Variants in SCN3A observed in about 807,000 individuals in gnomAD.
SCN3A encodes the protein sodium voltage-gated channel alpha subunit 3, also known as sodium channel protein type 3 subunit alpha.
A neutral mutation model predicts 187.6 loss-of-function variants in SCN3A; 60 were observed. The ratio of observed to expected loss-of-function variants is 0.32; its 90% CI spans 0.26 to 0.40. The LOEUF is 0.40. Among genes scored for constraint, SCN3A ranks in the 10% least tolerant of loss-of-function variants. The pLI is 1.00. For synonymous variants in SCN3A, 788 were observed against 829.2 expected, an observed-to-expected ratio of 0.95 and a Z score of 0.85; for missense variants, 1,601 against 2,428.2, an observed-to-expected ratio of 0.66 and a Z score of 7.16.
intron 21 of SCN3A, among the ~76,000 whole-genome samples, chr2:165,108,684 A>T (rs941580706): frequency 1.3e-5 from 2 of 152,194 alleles, no homozygotes; most frequent in Non-Finnish European, 2.9e-5. Flanking sequence ...GTTTTAAATA[A>T]ATATTAATTA....
At chr2:165,134,286 T>G (rs1445969123) in intron 15 of SCN3A, among the ~76,000 whole-genome samples, 1 of 152,224 alleles carries the variant, frequency 6.6e-6, no homozygotes, top group African/African-American at 2.4e-5. Flanking sequence ...GAAATTACTC[T>G]TGCAGAAAAT....
intron 2 of SCN3A, among the ~76,000 whole-genome samples, chr2:165,178,137 TG>T (rs1690586717): frequency 6.6e-6 from 1 of 152,158 alleles, no homozygotes. Flanking sequence ...ATTATGTGTG[TG>T]GGGGTTTTTT....
chr2:165,199,596 A>G (rs918370473), intron 1 of SCN3A, among the ~76,000 whole-genome samples: 3 of 151,918 alleles, frequency 2.0e-5, no homozygotes, highest in African/African-American at 7.2e-5. Flanking sequence ...AGTAATAAAA[A>G]AAAAAAATAC....
chr2:165,191,882 T>G (rs905773099), intron 1 of SCN3A, among the ~76,000 whole-genome samples: 147 of 152,272 alleles, frequency 9.7e-4, no homozygotes, highest in Non-Finnish European at 1.8e-3. Context: ...GAATACTTTT[T>G]TAAATCAATG....
At position 165,090,611 on chromosome 2, in the gene SCN3A, G is replaced by A. The variant is rs1373217810; in HGVS notation, c.5542C>T (p.His1848Tyr). ...AAGGCAAATAAAATATCAAGACAGTGGATCCGGTCACCACTGACCATGGGC... is the reference window on the plus strand; with the variant it reads ...AAGGCAAATAAAATATCAAGACAGTAGATCCGGTCACCACTGACCATGGGC... ...DLPMVSGDRI[H>Y]CLDILFAFTK... The change falls in exon 28 of 28, where the codon CAC becomes TAC. Residue 1848 changes from histidine to tyrosine, a missense_variant. This residue lies in a region of SCN3A where 110 missense variants were observed against 175.9 expected (regional missense o/e 0.63). Coordinates refer to ENST00000283254, the MANE Select transcript of SCN3A (RefSeq NM_006922.4). This position sits in a 1 kb window ranked among gnomAD's most constrained non-coding sequence, Gnocchi z 4.0. 1.2e-6 allele frequency: 2 copies of A among 1,614,048 alleles called. No homozygotes were observed. The highest frequency in any genetic ancestry group is 8.5e-7 in the Non-Finnish European group (1 of 1,179,980).
intron 11 of SCN3A, among the ~76,000 whole-genome samples, chr2:165,149,237 A>G (rs968819121): frequency 2.7e-4 from 41 of 150,880 alleles, no homozygotes; most frequent in African/African-American, 8.8e-4. Context: ...GTGCAATGGC[A>G]TGATCTCGGC....
At chr2:165,141,121 T>C in intron 12 of SCN3A, 123 bp from the exon 13 acceptor site, 1 of 646,268 alleles carries the variant, frequency 1.5e-6, no homozygotes, top group Non-Finnish European at 2.6e-6. Flanking sequence ...CTCTTAAACA[T>C]GGATAATCAA....
intron 18 of SCN3A, among the ~76,000 whole-genome samples, chr2:165,127,105 G>T (rs540325278): frequency 6.6e-6 from 1 of 152,280 alleles, no homozygotes; most frequent in East Asian, 1.9e-4. Flanking sequence ...GTCACTCAGG[G>T]TTGAGTAGAA....
chr2:165,179,016 A>C (rs1259749239), intron 2 of SCN3A, among the ~76,000 whole-genome samples: 1 of 152,110 alleles, frequency 6.6e-6, no homozygotes, highest in African/African-American at 2.4e-5. Context: ...CATCTGTCTG[A>C]TATCACCTGC....
intron 1 of SCN3A, among the ~76,000 whole-genome samples, chr2:165,189,287 A>G (rs376706804): frequency 1.5e-3 from 225 of 152,316 alleles, no homozygotes; most frequent in African/African-American, 5.2e-3. Context: ...TGTGTACAAG[A>G]TGCAAAAAAG....
In SCN3A at chr2:165,090,968, CA is replaced by C; in HGVS notation, c.5184del (p.Asp1729ThrfsTer35). 6.2e-7 allele frequency: 1 copy of C among 1,614,088 alleles called. No homozygotes were observed. The highest frequency in any genetic ancestry group is 8.5e-7 in the Non-Finnish European group (1 of 1,180,004). ...ILNSAPPDCD[P>X]DTIHPGSSVK... ...ACTGAGCTGCCAGGGTGAATTGTGTCAGGGTCACAGTCGGGTGGTGCACTAT... is the reference window on the plus strand; with the variant it reads ...ACTGAGCTGCCAGGGTGAATTGTGTCGGGTCACAGTCGGGTGGTGCACTAT... On this transcript the variant is annotated frameshift_variant, in exon 28 of 28. Coordinates refer to ENST00000283254, the MANE Select transcript of SCN3A (RefSeq NM_006922.4). LOFTEE classifies it high-confidence loss of function. The surrounding 1 kb of genome is among the most constrained non-coding windows in gnomAD (Gnocchi z 4.0).
intron 22 of SCN3A, among the ~76,000 whole-genome samples, chr2:165,098,396 T>C (rs991635758): frequency 1.4e-4 from 21 of 152,204 alleles, no homozygotes; most frequent in African/African-American, 4.6e-4. Context: ...ATTTTAGAAA[T>C]CAATACCAAG....
intron 18 of SCN3A, among the ~76,000 whole-genome samples, chr2:165,123,896 G>A (rs1482868138): frequency 6.6e-6 from 1 of 152,080 alleles, no homozygotes. Context: ...GAGCATATAT[G>A]AGAGTTCCCT....
chr2:165,129,820 A>G, intron 17 of SCN3A, 120 bp downstream of exon 17: 1 of 1,225,970 alleles, frequency 8.2e-7, no homozygotes, highest in Non-Finnish European at 1.2e-6. Flanking sequence ...GAGTGCTAAT[A>G]GGGGGATTTC....
At chr2:165,112,583 T>C (rs2105705965) in intron 21 of SCN3A, among the ~76,000 whole-genome samples, 3 of 152,322 alleles carry the variant, frequency 2.0e-5, no homozygotes, top group Admixed American at 2.0e-4. Flanking sequence ...CTTACATCTG[T>C]CAATTAACAT....
At chr2:165,167,007 C>G (rs1414740742) in intron 5 of SCN3A, among the ~76,000 whole-genome samples, 3 of 151,846 alleles carry the variant, frequency 2.0e-5, no homozygotes, top group Non-Finnish European at 4.4e-5. Flanking sequence ...TCAAGCGATT[C>G]TCTTGTCTCA....
At chr2:165,199,134 T>G in intron 1 of SCN3A, among the ~76,000 whole-genome samples, 1 of 152,038 alleles carries the variant, frequency 6.6e-6, no homozygotes, top group East Asian at 1.9e-4. Context: ...ATCAGGAGAT[T>G]AAAATTCCCA....
At chr2:165,123,244 A>T (rs947687956) in intron 18 of SCN3A, among the ~76,000 whole-genome samples, 1 of 152,168 alleles carries the variant, frequency 6.6e-6, no homozygotes, top group African/African-American at 2.4e-5. Context: ...GCAAAAGTTT[A>T]TATTTGCTTC....
chr2:165,137,833 C>G (rs1445875021), intron 15 of SCN3A, 46 bp downstream of exon 15: 12 of 1,410,294 alleles, frequency 8.5e-6, no homozygotes, highest in Non-Finnish European at 1.2e-5. Flanking sequence ...TGGTCTATCT[C>G]TCCCACATCT....
Sources: allele counts gnomAD v4.1 joint callset (sites outside exome capture counted in the v4.1 genomes callset), GRCh38; gene constraint gnomAD v4.1.1; regional missense constraint gnomAD v4.1.1; non-coding constraint Gnocchi (gnomAD v3.1); transcripts MANE v1.5; gene names NCBI Gene and HGNC (gene_info 2026-07-23, HGNC 2026-07-21).